PGGT1B: variants seen among roughly 807,000 people sequenced by gnomAD.
PGGT1B encodes the protein protein geranylgeranyltransferase type I subunit beta, also known as geranylgeranyl transferase type-1 subunit beta.
PGGT1B carries 30 observed loss-of-function variants against 46.1 expected under a neutral mutation model. The ratio of observed to expected loss-of-function variants is 0.65; its 90% CI spans 0.49 to 0.88. The LOEUF (loss-of-function observed/expected upper bound fraction) is 0.88. Ranked by LOEUF, PGGT1B falls within the 40% of genes least tolerant of loss-of-function variation. The pLI, the probability that PGGT1B is intolerant of heterozygous loss-of-function variation, is 0.00. For synonymous variants in PGGT1B, 170 were observed against 160.0 expected (o/e 1.06, Z -0.47); for missense variants, 376 against 455.9 (o/e 0.82, Z 1.60).
At chr5:115,225,194 A>G (rs927101450) in intron 6 of PGGT1B, among the ~76,000 whole-genome samples, 4 of 152,238 alleles carry the variant, frequency 2.6e-5, no homozygotes, top group Admixed American at 1.3e-4. Context: ...TAAGGCAAAT[A>G]CAAATAAAAG....
At chr5:115,246,972 G>A (rs193296743) in intron 2 of PGGT1B, among the ~76,000 whole-genome samples, 13 of 152,218 alleles carry the variant, frequency 8.5e-5, no homozygotes, top group Middle Eastern at 3.4e-3. Flanking sequence ...ATGTGTGTGT[G>A]TTTATGTGTA....
In PGGT1B at chr5:115,212,447, G is replaced by C; in HGVS notation, c.1089C>G (p.Thr363=). ...TCTCTGAGCATTGTTTAGAGTCCTT[G>C]GTTTTCCAGCTTTGATGGAGATCTA... ...RLLDLHQSWK[T]KDSKQCSENV... is the part of the protein sequence containing the mutation. Residue 363 remains threonine (T), a synonymous_variant, in exon 9 of 9, where the codon ACC becomes ACG. Coordinates refer to ENST00000419445, the MANE Select transcript of PGGT1B (RefSeq NM_005023.4). 1.2e-6 allele frequency: 2 copies of C among 1,600,944 alleles called. No homozygotes were observed. Among genetic ancestry groups the C allele is most frequent in the South Asian group, 2.2e-5 (2 of 90,928 alleles).
chr5:115,223,357 G>C (rs956336641), intron 6 of PGGT1B, among the ~76,000 whole-genome samples: 1 of 152,176 alleles, frequency 6.6e-6, no homozygotes, highest in East Asian at 1.9e-4. Flanking sequence ...GAAATGGGGA[G>C]ATTATTCGGT....
At chr5:115,242,508 C>G (rs1473815764) in intron 2 of PGGT1B, among the ~76,000 whole-genome samples, 1 of 152,156 alleles carries the variant, frequency 6.6e-6, no homozygotes, top group African/African-American at 2.4e-5. Context: ...ACTGTTTTCA[C>G]TCTCCTACTT....
intron 6 of PGGT1B, among the ~76,000 whole-genome samples, chr5:115,225,900 C>T (rs886312522): frequency 3.3e-5 from 5 of 152,098 alleles, no homozygotes; most frequent in South Asian, 2.1e-4. Context: ...CCACCCACAT[C>T]GGCCTCCCAA....
chr5:115,216,570 A>G (rs1756425585), intron 8 of PGGT1B, among the ~76,000 whole-genome samples: 1 of 152,216 alleles, frequency 6.6e-6, no homozygotes. Context: ...CTTCTTTGGA[A>G]AGGACCCATT....
chr5:115,255,944 A>T (rs1748291991), intron 1 of PGGT1B, among the ~76,000 whole-genome samples: 1 of 152,144 alleles, frequency 6.6e-6, no homozygotes, highest in Non-Finnish European at 1.5e-5. Flanking sequence ...AAAACAAACG[A>T]CCAAAACACC....
intron 3 of PGGT1B, 26 bp from the exon 4 acceptor site, chr5:115,238,035 A>G (rs1409390962): frequency 6.6e-7 from 1 of 1,507,792 alleles, no homozygotes; most frequent in South Asian, 1.3e-5. Context: ...ATATAGTACT[A>G]ATTAATGAAG....
chr5:115,262,666 G>A (rs1206060527), intron 1 of PGGT1B, 46 bp downstream of exon 1: 2 of 1,562,252 alleles, frequency 1.3e-6, no homozygotes, highest in Non-Finnish European at 8.7e-7. Context: ...CCTTTCCGCT[G>A]GAGCCCGGGC....
chr5:115,246,735 A>G (rs1011916268), intron 2 of PGGT1B, among the ~76,000 whole-genome samples: 1 of 152,206 alleles, frequency 6.6e-6, no homozygotes, highest in Non-Finnish European at 1.5e-5. Context: ...GGCCTGGAAA[A>G]TTGTATTTAA....
chr5:115,220,460 G>C (rs1756553879), intron 7 of PGGT1B, among the ~76,000 whole-genome samples: 1 of 151,738 alleles, frequency 6.6e-6, no homozygotes, highest in Admixed American at 6.6e-5. Flanking sequence ...AGAAGAATAG[G>C]GAATTACTGT....
At chr5:115,262,017 C>T (rs1748574571) in intron 1 of PGGT1B, among the ~76,000 whole-genome samples, 1 of 152,228 alleles carries the variant, frequency 6.6e-6, no homozygotes, top group African/African-American at 2.4e-5. Context: ...CAAAAACAAG[C>T]CGCTCTTTCC....
chr5:115,219,757 A>T, intron 7 of PGGT1B, among the ~76,000 whole-genome samples: 1 of 151,844 alleles, frequency 6.6e-6, no homozygotes, highest in East Asian at 1.9e-4. Flanking sequence ...AAGAAACCAG[A>T]TTTAAAAATA....
rs1282981404 is a variant in PGGT1B, at chr5:115,212,240, T to A, written c.*162A>T. The A allele has an allele frequency of 1.5e-5, 19 of 1,292,712 alleles. No homozygotes were observed. Among genetic ancestry groups the A allele is most frequent in the Non-Finnish European group, 1.9e-5 (18 of 970,644 alleles). The allele number at this position is 1,292,712 out of a possible 1,614,324, so 80.1% of individuals were successfully genotyped here. The stretch of plus-strand genomic sequence containing the variant: ...ACAAAGATTTTCTTGAAACCCAGTA[T>A]AAAGATTACTGGCTCAAGACCATAT... On this transcript the variant is annotated 3_prime_UTR_variant, in exon 9 of 9. Transcript: ENST00000419445.
chr5:115,247,768 A>G (rs1747916816), intron 2 of PGGT1B, among the ~76,000 whole-genome samples: 1 of 152,166 alleles, frequency 6.6e-6, no homozygotes. Context: ...CAGACAGGAG[A>G]TATTCTTTCA....
At chr5:115,221,783 A>T in intron 7 of PGGT1B, 41 bp downstream of exon 7, 1 of 1,283,994 alleles carries the variant, frequency 7.8e-7, no homozygotes, top group Admixed American at 2.3e-5. Context: ...ATCTATATGA[A>T]CACAGAATAT....
At chr5:115,227,911 T>C (rs1159319603) in intron 6 of PGGT1B, among the ~76,000 whole-genome samples, 4 of 152,128 alleles carry the variant, frequency 2.6e-5, no homozygotes, top group Non-Finnish European at 4.4e-5. Flanking sequence ...TCTTAGTCTG[T>C]AGATCAGGGA....
Position 115,206,652 on chromosome 5 carries a change from G to A in PGGT1B, c.*5750C>T, listed in dbSNP as rs1561464696. 6.6e-6 allele frequency: 1 copy of A among 151,716 alleles called. No individual in the cohort carries two copies. The highest frequency in any genetic ancestry group is 2.4e-5 in the African/African-American group (1 of 41,388). The allele number at this position is 151,716 out of a possible 1,614,324, so 9.4% of individuals were successfully genotyped here. Reference sequence around the variant, plus strand: ...TTGCATAGTATTGAGTTACATAAATGTATCATAATGTGTCTTATTTTTCAC... The same window carrying A: ...TTGCATAGTATTGAGTTACATAAATATATCATAATGTGTCTTATTTTTCAC... On this transcript the variant is annotated 3_prime_UTR_variant, in exon 9 of 9. Transcript: ENST00000419445.
At chr5:115,237,614 T>C (rs1489794228) in intron 4 of PGGT1B, among the ~76,000 whole-genome samples, 2 of 152,194 alleles carry the variant, frequency 1.3e-5, no homozygotes, top group Non-Finnish European at 1.5e-5. Context: ...CATTTATTTA[T>C]GTACCCATTG....
Sources: allele counts gnomAD v4.1 joint callset (sites outside exome capture counted in the v4.1 genomes callset), GRCh38; gene constraint gnomAD v4.1.1; transcripts MANE v1.5; gene names NCBI Gene and HGNC (gene_info 2026-07-23, HGNC 2026-07-21).